Variants in SEC23IP observed in about 807,000 individuals in gnomAD.
SEC23IP encodes SEC23-interacting protein.
In SEC23IP, 70 loss-of-function variants were observed where a neutral mutation model predicts 113.4. That is an observed-to-expected ratio of 0.62 (90% CI 0.51 to 0.75). The LOEUF is 0.75. Ranked by LOEUF, SEC23IP falls within the 30% of genes least tolerant of loss-of-function variation. SEC23IP has a pLI of 0.00. For synonymous variants in SEC23IP, 398 were observed against 421.0 expected (o/e 0.95, Z 0.67); for missense variants, 1,160 against 1,204.9 (o/e 0.96, Z 0.55).
In SEC23IP at chr10:119,904,076, T is replaced by G; in HGVS notation, c.908-8T>G. The stretch of plus-strand genomic sequence containing the variant: ...GCAGTTAGGAAAAGTGTTAATTTTG[T>G]TCTCTAGTTCAGCCAGATCCGGAGA... On this transcript the variant is annotated splice_polypyrimidine_tract_variant and splice_region_variant and intron_variant, in intron 3 of 18. Coordinates refer to ENST00000369075, the MANE Select transcript of SEC23IP (RefSeq NM_007190.4). The G allele has an allele frequency of 6.2e-7, 1 of 1,612,402 alleles. No homozygotes were observed. Among genetic ancestry groups the G allele is most frequent in the South Asian group, 1.1e-5 (1 of 91,024 alleles).
At chr10:119,898,088 T>C (rs1854340397) in intron 1 of SEC23IP, among the ~76,000 whole-genome samples, 1 of 151,968 alleles carries the variant, frequency 6.6e-6, no homozygotes, top group Non-Finnish European at 1.5e-5. Flanking sequence ...CAAATATATA[T>C]TTACAAAATA....
Position 119,915,864 on chromosome 10 carries a change from G to T in SEC23IP, c.1519G>T (p.Gly507Cys), listed in dbSNP as rs147738230. 1.2e-4 allele frequency: 197 copies of T among 1,582,520 alleles called. No homozygotes were observed. The African/African-American group carries it at 2.4e-3, about 19-fold the overall frequency. The change falls in exon 8 of 19, where the codon GGT (glycine) becomes TGT (cysteine). Residue 507 changes from glycine (G) to cysteine (C), a missense_variant. Transcript: ENST00000369075. ...FLPVHWHSSL[G>C]GDATGVDRNI... ...TCCAGTTCATTGGCATAGTTCTTTGGGTGGGGACGCCACAGGTGTGGACAG... is the reference window on the plus strand; with the variant it reads ...TCCAGTTCATTGGCATAGTTCTTTGTGTGGGGACGCCACAGGTGTGGACAG...
intron 2 of SEC23IP, among the ~76,000 whole-genome samples, chr10:119,899,477 A>G (rs1008497344): frequency 6.6e-6 from 1 of 152,226 alleles, no homozygotes; most frequent in East Asian, 1.9e-4. Flanking sequence ...CATTTTTCCC[A>G]ACTAATTGTT....
chr10:119,918,522 A>T lies in SEC23IP; in HGVS notation c.1872+11A>T. ...TTTCAGGAAAAGCAGGTACGTCTGT[A>T]CGTGGCCAATTAACATTTCGATTTA... On this transcript the variant is annotated intron_variant, in intron 10 of 18. Coordinates refer to ENST00000369075, the MANE Select transcript of SEC23IP (RefSeq NM_007190.4). 1 of 1,483,916 alleles carries T rather than the reference A, an allele frequency of 6.7e-7. No homozygotes were observed. The highest frequency in any genetic ancestry group is 1.1e-5 in the South Asian group (1 of 88,074). The allele number at this position is 1,483,916 out of a possible 1,614,324, so 91.9% of individuals were successfully genotyped here.
intron 4 of SEC23IP, among the ~76,000 whole-genome samples, chr10:119,905,612 C>G (rs1854636956): frequency 1.3e-5 from 2 of 152,160 alleles, no homozygotes; most frequent in Admixed American, 1.3e-4. Context: ...ACGTATTGCT[C>G]AGCATCCTGT....
chr10:119,921,963 A>G (rs1019881870), intron 12 of SEC23IP, among the ~76,000 whole-genome samples: 2 of 75,252 alleles, frequency 2.7e-5, no homozygotes, highest in African/African-American at 1.3e-4. Context: ...TGGTTAGCTT[A>G]AGGAATTGAG....
At chr10:119,926,339 G>C in intron 13 of SEC23IP, 112 bp downstream of exon 13, 4 of 1,126,422 alleles carry the variant, frequency 3.6e-6, no homozygotes, top group Non-Finnish European at 4.9e-6. Context: ...TTTGTGATGT[G>C]GAAAAAACTG....
chr10:119,896,361 G>A (rs1854284874), intron 1 of SEC23IP, among the ~76,000 whole-genome samples: 1 of 152,218 alleles, frequency 6.6e-6, no homozygotes, highest in Admixed American at 6.5e-5. Context: ...TCAGACTTGA[G>A]GTTTCTGGTT....
rs1438135263 is a variant in SEC23IP, at chr10:119,932,337, G to A, written c.2758+19G>A. ...GTTGAAGGTAAATTTGACATTTGAG[G>A]CATTTTCTAATACAAATGTTTCATA... On this transcript the variant is annotated intron_variant, in intron 16 of 18. Transcript: ENST00000369075. The A allele has an allele frequency of 3.2e-6, 5 of 1,576,728 alleles. No individual in the cohort carries two copies. The highest frequency in any genetic ancestry group is 4.3e-6 in the Non-Finnish European group (5 of 1,149,560).
intron 4 of SEC23IP, 152 bp downstream of exon 4, chr10:119,904,429 C>T: frequency 3.0e-6 from 2 of 660,052 alleles, no homozygotes; most frequent in Non-Finnish European, 5.3e-6. Flanking sequence ...TAAGTGGTGT[C>T]ATCACTCATG....
At chr10:119,937,013 G>A (rs1432174800) in intron 18 of SEC23IP, among the ~76,000 whole-genome samples, 4 of 151,706 alleles carry the variant, frequency 2.6e-5, no homozygotes, top group African/African-American at 9.7e-5. Context: ...TTAGCCTCCC[G>A]AGTAGCTGGG....
intron 8 of SEC23IP, 105 bp downstream of exon 8, chr10:119,915,994 A>T: frequency 7.0e-6 from 7 of 999,352 alleles, no homozygotes; most frequent in Non-Finnish European, 8.1e-6. Context: ...ATATGTTTTT[A>T]AAAATTGTAT....
intron 11 of SEC23IP, among the ~76,000 whole-genome samples, chr10:119,920,414 A>C (rs535872682): frequency 3.7e-4 from 57 of 152,360 alleles, no homozygotes; most frequent in African/African-American, 1.4e-3. Context: ...ACAGCTGTTG[A>C]ATGAATGATG....
At chr10:119,907,576 C>T (rs928479877) in intron 4 of SEC23IP, among the ~76,000 whole-genome samples, 7 of 152,252 alleles carry the variant, frequency 4.6e-5, no homozygotes, top group East Asian at 1.9e-4. Flanking sequence ...TAGAATAGTA[C>T]GATCGGCCCT....
chr10:119,922,943 G>A (rs1855294763), intron 12 of SEC23IP, among the ~76,000 whole-genome samples: 1 of 151,674 alleles, frequency 6.6e-6, no homozygotes, highest in South Asian at 2.1e-4. Flanking sequence ...TATACAGGCT[G>A]CGTGCTCCAT....
At chr10:119,893,158 A>C (rs777949378) in intron 1 of SEC23IP, among the ~76,000 whole-genome samples, 15 of 152,116 alleles carry the variant, frequency 9.9e-5, no homozygotes, top group Non-Finnish European at 1.5e-4. Flanking sequence ...CCCTGTTCCG[A>C]GTTGTCCAGA....
rs1025952863 is a variant in SEC23IP, at chr10:119,929,235, CT to C, written c.2314-363del. Among the ~76,000 whole-genome samples the C allele has an allele frequency of 3.3e-5, 5 of 151,330 alleles. No homozygotes were observed. The East Asian group carries it at 9.7e-4, about 29-fold the overall frequency. On this transcript the variant is annotated intron_variant, in intron 13 of 18. Transcript: ENST00000369075. The stretch of plus-strand genomic sequence containing the variant: ...GATTTTAAAGAGAAATTTTTTAGTA[CT>C]TTTTTTTTATTTTTTGAGATGGAGT...
chr10:119,937,227 C>T (rs915088755), intron 18 of SEC23IP, among the ~76,000 whole-genome samples: 5 of 151,940 alleles, frequency 3.3e-5, no homozygotes, highest in African/African-American at 1.2e-4. Flanking sequence ...AGGATATTAA[C>T]CTTTGTCATT....
chr10:119,931,658 T>C (rs7894360), intron 15 of SEC23IP, among the ~76,000 whole-genome samples: 81,229 of 150,508 alleles, frequency 0.54, 22,258 homozygotes, highest in East Asian at 0.63. Context: ...GTTCATGCCA[T>C]TCTCCTGCCT....
Sources: gnomAD v4.1 joint callset for allele counts (sites outside exome capture counted in the v4.1 genomes callset) on GRCh38, gnomAD v4.1.1 for gene constraint, MANE v1.5 for transcripts, NCBI Gene and HGNC (gene_info 2026-07-23, HGNC 2026-07-21) for gene names.